The following INSL6 variants were observed in gnomAD, a reference collection of about 807,000 sequenced individuals.
INSL6 encodes insulin like 6, also known as insulin-like peptide INSL6.
INSL6 carries 16 observed loss-of-function variants against 9.4 expected under a neutral mutation model. That is an observed-to-expected ratio of 1.70 (90% CI 1.15 to 2.59). The LOEUF is 2.59. Ranked by LOEUF, INSL6 falls within the 30% of genes most tolerant of loss-of-function variation. The pLI is 0.00. For synonymous variants in INSL6, 154 were observed against 96.9 expected, an observed-to-expected ratio of 1.59 and a Z score of -3.46; for missense variants, 391 against 257.3, an observed-to-expected ratio of 1.52 and a Z score of -3.56.
At chr9:5,102,961 C>T in the INSL6 span, among the ~76,000 whole-genome samples, 4 of 151,904 alleles carry the variant, frequency 2.6e-5, no homozygotes, top group African/African-American at 7.3e-5. Context: ...TAAAGACCAT[C>T]GATGATAGGA....
At chr9:5,158,209 G>C (rs571643413) in intron 2 of INSL6, among the ~76,000 whole-genome samples, 15 of 152,240 alleles carry the variant, frequency 9.9e-5, no homozygotes, top group Admixed American at 2.6e-4. Flanking sequence ...CTAGAAAATA[G>C]CCCAAAAAGG....
intron 3 of INSL6, among the ~76,000 whole-genome samples, chr9:5,133,015 G>C (rs959601896): frequency 9.2e-5 from 14 of 152,174 alleles, no homozygotes; most frequent in African/African-American, 3.4e-4. Flanking sequence ...GGGGTAGTGA[G>C]AGTTGGAATT....
At chr9:5,066,904 T>C in the INSL6 span, 1 of 422,482 alleles carries the variant, frequency 2.4e-6, no homozygotes, top group Non-Finnish European at 4.1e-6. Flanking sequence ...TTGGATATGA[T>C]AACTAGTATA....
chr9:5,134,368 G>A (rs1824350089), intron 2 of INSL6, among the ~76,000 whole-genome samples: 1 of 152,114 alleles, frequency 6.6e-6, no homozygotes, highest in Non-Finnish European at 1.5e-5. Context: ...CTCGAGAAGA[G>A]CAACCCCAAG....
chr9:5,151,053 G>GAC (rs1824703521), intron 2 of INSL6, among the ~76,000 whole-genome samples: 1 of 152,146 alleles, frequency 6.6e-6, no homozygotes, highest in South Asian at 2.1e-4. Context: ...GTAAAGTATG[G>GAC]AATGACAGAC....
the INSL6 span, among the ~76,000 whole-genome samples, chr9:5,055,999 A>G: frequency 2.0e-5 from 3 of 152,026 alleles, no homozygotes; most frequent in African/African-American, 7.2e-5. Flanking sequence ...CTTGTACATT[A>G]CTGTACTTTT....
chr9:5,118,431 C>T, the INSL6 span, among the ~76,000 whole-genome samples: 5 of 152,156 alleles, frequency 3.3e-5, no homozygotes, highest in African/African-American at 7.2e-5. Context: ...GACCAACAAA[C>T]TTGTAACTAT....
At chr9:5,102,995 A>G in the INSL6 span, among the ~76,000 whole-genome samples, 1 of 152,108 alleles carries the variant, frequency 6.6e-6, no homozygotes, top group African/African-American at 2.4e-5. Context: ...ACTAACGGGC[A>G]AAATAACCAG....
At chr9:5,078,783 A>G in the INSL6 span, among the ~76,000 whole-genome samples, 1 of 152,284 alleles carries the variant, frequency 6.6e-6, no homozygotes, top group African/African-American at 2.4e-5. Flanking sequence ...TCTCGTCACT[A>G]AATAAAAATT....
chr9:5,020,714 C>T, the INSL6 span, among the ~76,000 whole-genome samples: 1 of 152,128 alleles, frequency 6.6e-6, no homozygotes, highest in Non-Finnish European at 1.5e-5. Context: ...AGGGCACATA[C>T]CAATATATGG....
intron 3 of INSL6, among the ~76,000 whole-genome samples, chr9:5,125,443 G>A (rs2130861495): frequency 6.6e-6 from 1 of 151,326 alleles, no homozygotes; most frequent in South Asian, 2.1e-4. Context: ...CCATTCTTCA[G>A]TCTTTTAAGT....
intron 3 of INSL6, chr9:5,128,150 G>A (rs1380733233): frequency 4.3e-6 from 1 of 230,880 alleles, no homozygotes. Flanking sequence ...AATACTTGCT[G>A]TTTTGATTAA....
At chr9:5,017,479 A>T in the INSL6 span, among the ~76,000 whole-genome samples, 1 of 152,130 alleles carries the variant, frequency 6.6e-6, no homozygotes, top group African/African-American at 2.4e-5. Flanking sequence ...TATAGTTTCT[A>T]TGTCATTTAT....
At chr9:5,169,077 C>G (rs770711374) in intron 1 of INSL6, among the ~76,000 whole-genome samples, 1 of 152,098 alleles carries the variant, frequency 6.6e-6, no homozygotes, top group Non-Finnish European at 1.5e-5. Context: ...GAGGCATGCG[C>G]CACCATGCCC....
chr9:5,057,174 T>C, the INSL6 span, among the ~76,000 whole-genome samples: 1 of 152,142 alleles, frequency 6.6e-6, no homozygotes, highest in Non-Finnish European at 1.5e-5. Flanking sequence ...ATCATGTTTC[T>C]TGCTGAATTT....
the INSL6 span, among the ~76,000 whole-genome samples, chr9:5,030,296 G>A: frequency 2.0e-5 from 3 of 152,106 alleles, no homozygotes; most frequent in Non-Finnish European, 2.9e-5. Flanking sequence ...AAAAGTTGAC[G>A]TGAAGAAAAG....
At chr9:5,043,999 T>C in the INSL6 span, among the ~76,000 whole-genome samples, 1 of 152,236 alleles carries the variant, frequency 6.6e-6, no homozygotes, top group Non-Finnish European at 1.5e-5. Flanking sequence ...TAGAGTGTTC[T>C]TTGTTTCTCT....
intron 3 of INSL6, among the ~76,000 whole-genome samples, chr9:5,124,542 G>T (rs1823849661): frequency 6.6e-6 from 1 of 151,584 alleles, no homozygotes; most frequent in African/African-American, 2.4e-5. Flanking sequence ...TTTGTTCACA[G>T]AATTAGAAAA....
chr9:5,114,507 T>G, the INSL6 span: 12 of 467,558 alleles, frequency 2.6e-5, no homozygotes, highest in Admixed American at 2.8e-4. Flanking sequence ...GGTCTACGTG[T>G]TTGCAACGCT....
Sources: allele counts gnomAD v4.1 joint callset (sites outside exome capture counted in the v4.1 genomes callset), GRCh38; gene constraint gnomAD v4.1.1; transcripts MANE v1.5; gene names NCBI Gene and HGNC (gene_info 2026-07-23, HGNC 2026-07-21).